Variants in GPC3 observed in about 807,000 individuals in gnomAD.
GPC3 encodes glypican 3.
In GPC3, 3 loss-of-function variants were observed where a neutral mutation model predicts 34.4. The observed-to-expected ratio is 0.09, with a 90% CI of 0.04 to 0.23. The LOEUF (loss-of-function observed/expected upper bound fraction) is 0.23. Ranked by LOEUF, GPC3 falls within the 10% of genes least tolerant of loss-of-function variation. The pLI, the probability that GPC3 is intolerant of heterozygous loss-of-function variation, is 1.00. For missense variants in GPC3, 351 were observed against 445.6 expected (o/e 0.79, Z 1.91); for synonymous variants, 177 against 174.0 (o/e 1.02, Z -0.13).
At chrX:133,693,918 C>T (rs894624923) in intron 4 of GPC3, among the ~76,000 whole-genome samples, 1 of 110,459 alleles carries the variant, frequency 9.1e-6, no homozygotes, top group African/African-American at 3.3e-5. Flanking sequence ...GGATTAGTTA[C>T]CAGGAGAGCG....
intron 2 of GPC3, among the ~76,000 whole-genome samples, chrX:133,927,879 A>T (rs975738800): frequency 9.4e-6 from 1 of 106,743 alleles, no homozygotes; most frequent in Non-Finnish European, 1.9e-5. Flanking sequence ...TATATATATT[A>T]TATATATATA....
At chrX:133,750,748 C>T (rs777644746) in intron 3 of GPC3, among the ~76,000 whole-genome samples, 1 of 111,697 alleles carries the variant, frequency 9.0e-6, no homozygotes, top group East Asian at 2.8e-4. Context: ...TAATTCTTTA[C>T]AAGTTCCTCA....
intron 2 of GPC3, among the ~76,000 whole-genome samples, chrX:133,852,815 C>T (rs914571624): frequency 1.8e-5 from 2 of 110,004 alleles, no homozygotes; most frequent in African/African-American, 6.6e-5. Flanking sequence ...TCATTAGTAC[C>T]ATTACCACCT....
chrX:133,796,167 A>G (rs868126551), intron 2 of GPC3, among the ~76,000 whole-genome samples: 267 of 109,740 alleles, frequency 2.4e-3, no homozygotes, highest in African/African-American at 5.9e-3. Flanking sequence ...GGATGGTCTC[A>G]ATCTCCTCAC....
chrX:133,693,197 G>A (rs1453244326), intron 4 of GPC3, among the ~76,000 whole-genome samples: 2 of 103,403 alleles, frequency 1.9e-5, no homozygotes, highest in African/African-American at 7.8e-5. Context: ...GTGTGTGTGT[G>A]TGTGAGACAG....
intron 1 of GPC3, among the ~76,000 whole-genome samples, chrX:133,967,611 T>G (rs1383467653): frequency 8.9e-6 from 1 of 112,142 alleles, no homozygotes; most frequent in African/African-American, 3.2e-5. Flanking sequence ...TTTTTAGTTT[T>G]TTTGTTTGTT....
At chrX:133,689,426 GA>G (rs1320146522) in intron 5 of GPC3, among the ~76,000 whole-genome samples, 4 of 111,755 alleles carry the variant, frequency 3.6e-5, no homozygotes, top group Non-Finnish European at 7.5e-5. Flanking sequence ...CCATTTGATA[GA>G]AGAGAAATTT....
rs186997296 is a variant in GPC3 at position 133,541,268 on chromosome X, A to C, written c.1574-4975T>G. Among the ~76,000 whole-genome samples the C allele has an allele frequency of 5.5e-5, 6 of 109,772 alleles. No individual in the cohort carries two copies. In the East Asian group the frequency reaches 1.2e-3, roughly 21 times the overall value. On this transcript the variant is annotated intron_variant, in intron 7 of 7. Transcript: ENST00000370818. ...TTAAAAAAACAAAAACAAAAAAAAA[A>C]CCCTACAAAGTGGCTAAATCTACAT...
intron 2 of GPC3, among the ~76,000 whole-genome samples, chrX:133,855,530 GATAT>G (rs756213198): frequency 4.4e-5 from 4 of 91,175 alleles, no homozygotes; most frequent in Admixed American, 1.2e-4. Flanking sequence ...GCTGTTACAA[GATAT>G]ATATATATAT....
At chrX:133,899,931 T>C (rs2076136577) in intron 2 of GPC3, among the ~76,000 whole-genome samples, 1 of 110,682 alleles carries the variant, frequency 9.0e-6, no homozygotes, top group Non-Finnish European at 1.9e-5. Context: ...GCCTCCTGAG[T>C]AGCTAGGATT....
intron 1 of GPC3, among the ~76,000 whole-genome samples, chrX:133,968,738 TC>T (rs2076476012): frequency 1.8e-5 from 2 of 109,548 alleles, no homozygotes; most frequent in Admixed American, 9.8e-5. Flanking sequence ...TTTTTTTTTT[TC>T]CTTTTTAGTT....
intron 2 of GPC3, among the ~76,000 whole-genome samples, chrX:133,923,628 G>A (rs1324267095): frequency 1.8e-5 from 2 of 112,221 alleles, no homozygotes; most frequent in Non-Finnish European, 3.8e-5. Context: ...AACCCAGCCA[G>A]CAGGTCAAAG....
At chrX:133,919,899 C>G (rs754219639) in intron 2 of GPC3, among the ~76,000 whole-genome samples, 142 of 108,904 alleles carry the variant, frequency 1.3e-3, no homozygotes, top group African/African-American at 4.5e-3. Context: ...GTGGCTCACA[C>G]CTGTAATCTC....
intron 6 of GPC3, among the ~76,000 whole-genome samples, chrX:133,652,063 G>A (rs753637395): frequency 1.8e-5 from 2 of 112,134 alleles, no homozygotes; most frequent in Non-Finnish European, 3.8e-5. Context: ...ATCTAATCTA[G>A]AATTTCATTA....
intron 2 of GPC3, among the ~76,000 whole-genome samples, chrX:133,882,203 T>C (rs1427283810): frequency 8.9e-6 from 1 of 111,841 alleles, no homozygotes; most frequent in Non-Finnish European, 1.9e-5. Context: ...CTCTTTCCTC[T>C]ATAAACACAA....
At chrX:133,539,458 A>G (rs1332894737) in intron 7 of GPC3, among the ~76,000 whole-genome samples, 1 of 112,613 alleles carries the variant, frequency 8.9e-6, no homozygotes, top group Non-Finnish European at 1.9e-5. Context: ...TGCACATAAA[A>G]TTGACCACAT....
chrX:133,656,348 C>G (rs779307498), intron 6 of GPC3, among the ~76,000 whole-genome samples: 4 of 112,067 alleles, frequency 3.6e-5, no homozygotes, highest in Non-Finnish European at 7.5e-5. Flanking sequence ...TGTGCCATGT[C>G]TTGGTACAAG....
At chrX:133,858,819 C>T (rs377697381) in intron 2 of GPC3, among the ~76,000 whole-genome samples, 7 of 111,556 alleles carry the variant, frequency 6.3e-5, no homozygotes, top group Non-Finnish European at 1.1e-4. Flanking sequence ...CGGTGGCTCA[C>T]GCCTGTAATC....
rs765260548 is a variant in GPC3, at chrX:133,915,045, AT to A, written c.337+38004del. 2.9e-3 allele frequency among the ~76,000 whole-genome samples: 301 copies of A among 102,070 alleles called. 1 individual carries two copies. The highest frequency in any genetic ancestry group is 0.01 in the African/African-American group (284 of 27,801). 88.6% of individuals were successfully genotyped at this position (102,070 alleles called of 115,157 possible). On this transcript the variant is annotated intron_variant, in intron 2 of 7. Coordinates refer to ENST00000370818, the MANE Select transcript of GPC3 (RefSeq NM_004484.4). ...ATCATCATCTGGCTCATAAAAGATC[AT>A]TTTTTCTTACCATAAAATATTCTTT...
Sources: allele counts gnomAD v4.1 joint callset (sites outside exome capture counted in the v4.1 genomes callset), GRCh38; gene constraint gnomAD v4.1.1; transcripts MANE v1.5; gene names NCBI Gene and HGNC (gene_info 2026-07-23, HGNC 2026-07-21).